ANKS1B: variants seen among roughly 807,000 people sequenced by gnomAD.
ANKS1B encodes ankyrin repeat and sterile alpha motif domain-containing protein 1B.
A neutral mutation model predicts 148.3 loss-of-function variants in ANKS1B; 36 were observed. The observed-to-expected ratio is 0.24, with a 90% CI of 0.19 to 0.32. The LOEUF is 0.32. ANKS1B is among the 10% of genes least tolerant of loss of function. ANKS1B has a pLI of 1.00. For missense variants in ANKS1B, 1,157 were observed against 1,542.6 expected (o/e 0.75, Z 4.19); for synonymous variants, 542 against 560.8 (o/e 0.97, Z 0.47).
At chr12:99,136,294 A>G (rs1009612790) in intron 15 of ANKS1B, among the ~76,000 whole-genome samples, 3 of 152,096 alleles carry the variant, frequency 2.0e-5, no homozygotes, top group Non-Finnish European at 2.9e-5. Flanking sequence ...TCAGGTCCCA[A>G]TGCAAGCTTG....
rs375458199 is a variant in ANKS1B at position 99,636,478 on chromosome 12, A to AT, written c.1272+18588dup. On this transcript the variant is annotated intron_variant, in intron 9 of 26. Transcript: ENST00000683438. The stretch of plus-strand genomic sequence containing the variant: ...TCAGTGAAGCTTATCTGACACATAG[A>AT]TTTTCTCCATAAGCTACATCACTAG... Among the ~76,000 whole-genome samples the AT allele has an allele frequency of 3.3e-4, 50 of 152,274 alleles. 3 individuals carry two copies. Among genetic ancestry groups the AT allele is most frequent in the Middle Eastern group, 6.8e-3 (2 of 294 alleles).
At chr12:99,045,123 G>A (rs1427871467) in intron 17 of ANKS1B, among the ~76,000 whole-genome samples, 1 of 152,152 alleles carries the variant, frequency 6.6e-6, no homozygotes, top group Non-Finnish European at 1.5e-5. Flanking sequence ...TTTCTGAAAT[G>A]TATTATATTT....
At chr12:99,732,563 G>A (rs1407584967) in intron 8 of ANKS1B, among the ~76,000 whole-genome samples, 2 of 152,190 alleles carry the variant, frequency 1.3e-5, no homozygotes, top group Non-Finnish European at 2.9e-5. Flanking sequence ...GAAAACAAAT[G>A]TGTGGTTGCC....
intron 10 of ANKS1B, among the ~76,000 whole-genome samples, chr12:99,487,418 A>G (rs551021888): frequency 6.6e-6 from 1 of 152,218 alleles, no homozygotes; most frequent in South Asian, 2.1e-4. Flanking sequence ...ATGCTTTTCT[A>G]TGTTTGTATA....
intron 1 of ANKS1B, among the ~76,000 whole-genome samples, chr12:99,921,299 TTC>T (rs2094345797): frequency 6.6e-6 from 1 of 152,126 alleles, no homozygotes; most frequent in Non-Finnish European, 1.5e-5. Context: ...CCCCTTTGCT[TTC>T]TCTGTCTCTC....
intron 8 of ANKS1B, among the ~76,000 whole-genome samples, chr12:99,687,866 A>T (rs2098658395): frequency 6.6e-6 from 1 of 152,182 alleles, no homozygotes; most frequent in Admixed American, 6.5e-5. Context: ...CACACAAAAT[A>T]ATTTTTTACT....
intron 14 of ANKS1B, among the ~76,000 whole-genome samples, chr12:99,157,847 G>A (rs1287326440): frequency 2.0e-5 from 3 of 152,160 alleles, no homozygotes; most frequent in Admixed American, 2.0e-4. Context: ...CAGTATATTT[G>A]TGGTGGGGAT....
chr12:99,171,574 T>G (rs2077760011), intron 14 of ANKS1B, among the ~76,000 whole-genome samples: 1 of 152,184 alleles, frequency 6.6e-6, no homozygotes, highest in African/African-American at 2.4e-5. Context: ...TATTTCTAAC[T>G]AAAATTTCAT....
At chr12:99,913,765 A>T (rs568475664) in intron 1 of ANKS1B, among the ~76,000 whole-genome samples, 1 of 152,244 alleles carries the variant, frequency 6.6e-6, no homozygotes, top group South Asian at 2.1e-4. Flanking sequence ...TCAAAAATCA[A>T]ATCACATTTC....
intron 17 of ANKS1B, among the ~76,000 whole-genome samples, chr12:98,848,744 T>TTTTTTTTTTTTTTTTTTG (rs1567128943): frequency 4.4e-5 from 2 of 45,904 alleles, no homozygotes; most frequent in African/African-American, 1.6e-4. Flanking sequence ...GTATGTGTGG[T>TTTTTTTTTTTTTTTTTTG]TTTTTTTTTT....
At chr12:99,348,094 G>GA (rs758370026) in intron 12 of ANKS1B, among the ~76,000 whole-genome samples, 52 of 151,780 alleles carry the variant, frequency 3.4e-4, no homozygotes, top group African/African-American at 1.1e-3. Context: ...TGAGCAGGTA[G>GA]AAAAAAAGAA....
intron 12 of ANKS1B, among the ~76,000 whole-genome samples, chr12:99,383,130 C>A (rs1204287788): frequency 6.6e-6 from 1 of 152,186 alleles, no homozygotes; most frequent in Non-Finnish European, 1.5e-5. Context: ...TTAGGCAAAG[C>A]TACAGCACAG....
chr12:98,975,275 C>T (rs1449411016), intron 17 of ANKS1B, among the ~76,000 whole-genome samples: 1 of 146,288 alleles, frequency 6.8e-6, no homozygotes, highest in Non-Finnish European at 1.5e-5. Flanking sequence ...CTCCCTCCCT[C>T]CCTTCCTTTT....
intron 9 of ANKS1B, among the ~76,000 whole-genome samples, chr12:99,534,960 C>T (rs1270248103): frequency 2.0e-5 from 3 of 152,074 alleles, no homozygotes; most frequent in African/African-American, 2.4e-5. Context: ...CTGACCACCT[C>T]GGCCTCCCAA....
intron 14 of ANKS1B, among the ~76,000 whole-genome samples, chr12:99,222,239 G>A (rs893425744): frequency 6.6e-6 from 1 of 152,176 alleles, no homozygotes; most frequent in African/African-American, 2.4e-5. Flanking sequence ...ATTGGGAAGA[G>A]AAATGGGTAT....
At chr12:99,068,305 C>T (rs2045146907) in intron 16 of ANKS1B, among the ~76,000 whole-genome samples, 1 of 152,092 alleles carries the variant, frequency 6.6e-6, no homozygotes, top group Admixed American at 6.5e-5. Context: ...AGACAGTGTA[C>T]TTACGCAAAC....
At chr12:99,595,967 T>G (rs1332345752) in intron 9 of ANKS1B, among the ~76,000 whole-genome samples, 4 of 151,946 alleles carry the variant, frequency 2.6e-5, no homozygotes, top group African/African-American at 7.2e-5. Flanking sequence ...AATAGATGCA[T>G]GGCATCTGTG....
chr12:99,374,833 T>C (rs567956299), intron 12 of ANKS1B, among the ~76,000 whole-genome samples: 20 of 152,356 alleles, frequency 1.3e-4, no homozygotes, highest in Non-Finnish European at 2.8e-4. Context: ...TGTTTACTTA[T>C]TTATTTTATT....
At chr12:99,636,754 C>T (rs888705563) in intron 9 of ANKS1B, among the ~76,000 whole-genome samples, 3 of 152,020 alleles carry the variant, frequency 2.0e-5, no homozygotes, top group Non-Finnish European at 4.4e-5. Flanking sequence ...CTGTGCACGT[C>T]CATGAATGAG....
Sources: allele counts gnomAD v4.1 joint callset (sites outside exome capture counted in the v4.1 genomes callset), GRCh38; gene constraint gnomAD v4.1.1; transcripts MANE v1.5; gene names NCBI Gene and HGNC (gene_info 2026-07-23, HGNC 2026-07-21).